SCTR: variants seen among roughly 807,000 people sequenced by gnomAD.
SCTR encodes the protein secretin receptor, also known as pancreatic secretin receptor.
A neutral mutation model predicts 60.8 loss-of-function variants in SCTR; 56 were observed. The observed-to-expected ratio is 0.92, with a 90% CI of 0.74 to 1.15. SCTR has a LOEUF of 1.15. SCTR is among the 50% of genes most tolerant of loss of function. SCTR has a pLI of 0.00. For synonymous variants in SCTR, 202 were observed against 217.0 expected (o/e 0.93, Z 0.61); for missense variants, 562 against 550.4 (o/e 1.02, Z -0.21).
Position 119,452,027 on chromosome 2 carries a change from C to T in SCTR, c.904G>A (p.Val302Met), listed in dbSNP as rs759250151. The change falls in exon 9 of 13, where the codon GTG becomes ATG. Residue 302 changes from valine to methionine, a missense_variant. Val to Met is a conservative substitution (Grantham distance 21). Coordinates refer to ENST00000019103, the MANE Select transcript of SCTR (RefSeq NM_002980.3). ...CCACTCACCAGGATGGAGAGGATCA[C>T]AGGACCACGAATGATCCACCAGATG... ...ASIWWIIRGP[V>M]ILSILINFIL... The T allele has an allele frequency of 5.0e-6, 8 of 1,606,456 alleles. No homozygotes were observed. In the Admixed American group the frequency reaches 1.3e-4, roughly 27 times the overall value.
At chr2:119,440,500 G>A (rs781530674) in intron 12 of SCTR, among the ~76,000 whole-genome samples, 1 of 152,230 alleles carries the variant, frequency 6.6e-6, no homozygotes, top group African/African-American at 2.4e-5. Flanking sequence ...GAAAGGACTT[G>A]TGCACCTTGG....
intron 4 of SCTR, among the ~76,000 whole-genome samples, chr2:119,469,201 T>G (rs1163648567): frequency 6.6e-6 from 1 of 152,146 alleles, no homozygotes; most frequent in East Asian, 1.9e-4. Flanking sequence ...ACCAATATGT[T>G]AACATATAAT....
At chr2:119,445,845 A>G (rs2104758492) in intron 11 of SCTR, among the ~76,000 whole-genome samples, 1 of 152,318 alleles carries the variant, frequency 6.6e-6, no homozygotes, top group South Asian at 2.1e-4. Context: ...TCCCTCCTGT[A>G]TAGAACTTTA....
chr2:119,496,231 T>C (rs1454949707), intron 1 of SCTR, among the ~76,000 whole-genome samples: 1 of 151,982 alleles, frequency 6.6e-6, no homozygotes, highest in African/African-American at 2.4e-5. Context: ...TGTTCAGAGC[T>C]GCTTAGAAAT....
chr2:119,465,942 T>C, intron 4 of SCTR, 56 bp from the exon 5 acceptor site: 1 of 1,236,846 alleles, frequency 8.1e-7, no homozygotes, highest in Non-Finnish European at 1.2e-6. Flanking sequence ...CTCTGCCTTC[T>C]GTGCCTCACT....
At position 119,461,948 on chromosome 2, in the gene SCTR, T is replaced by G. The variant is rs1191632729; in HGVS notation, c.689A>C (p.Tyr230Ser). Residue 230 changes from tyrosine to serine, a missense_variant, in exon 7 of 13, where the codon TAC (tyrosine) becomes TCC (serine). Transcript: ENST00000019103. Reference protein sequence around the residue: ...VLFQYCIMANYSWLLVEGLYL... With the variant: ...VLFQYCIMANSSWLLVEGLYL... Reference sequence around the variant, plus strand: ...GAGGCCTTCCACCAGCAGCCAGGAGTAGTTGGCCATGATGCAGTACTGGAA... The same window carrying G: ...GAGGCCTTCCACCAGCAGCCAGGAGGAGTTGGCCATGATGCAGTACTGGAA... 1.9e-6 allele frequency: 3 copies of G among 1,613,238 alleles called. No homozygotes were observed. The highest frequency in any genetic ancestry group is 1.3e-5 in the African/African-American group (1 of 74,806).
chr2:119,523,270 ATTCC>A, intron 1 of SCTR, among the ~76,000 whole-genome samples: 1 of 150,776 alleles, frequency 6.6e-6, no homozygotes, highest in African/African-American at 2.4e-5. Context: ...CTCCCTCCCC[ATTCC>A]TTCCTTTCTG....
chr2:119,493,232 A>G (rs1217620473), intron 2 of SCTR, among the ~76,000 whole-genome samples: 2 of 152,234 alleles, frequency 1.3e-5, no homozygotes, highest in Non-Finnish European at 2.9e-5. Flanking sequence ...TGTAGAACAT[A>G]TCATCACTTC....
chr2:119,507,746 T>C lies in SCTR; in HGVS notation c.73-13198A>G, dbSNP rs1277827310. ...GCTAGAATGATGCAGTGGCACGATCTTGGCTCACTGCAACCTCTGCCTCCC... is the reference window on the plus strand; with the variant it reads ...GCTAGAATGATGCAGTGGCACGATCCTGGCTCACTGCAACCTCTGCCTCCC... On this transcript the variant is annotated intron_variant, in intron 1 of 12. Coordinates refer to ENST00000019103, the MANE Select transcript of SCTR (RefSeq NM_002980.3). 2.0e-5 allele frequency among the ~76,000 whole-genome samples: 3 copies of C among 146,956 alleles called. No homozygotes were observed. The Admixed American group carries it at 2.1e-4, about 10-fold the overall frequency.
chr2:119,503,746 C>A (rs948279168), intron 1 of SCTR, among the ~76,000 whole-genome samples: 1 of 152,058 alleles, frequency 6.6e-6, no homozygotes, highest in Non-Finnish European at 1.5e-5. Context: ...ATACATTTGT[C>A]AAAACCCATA....
At chr2:119,446,031 G>A (rs1329653010) in intron 11 of SCTR, among the ~76,000 whole-genome samples, 3 of 152,196 alleles carry the variant, frequency 2.0e-5, no homozygotes, top group African/African-American at 7.2e-5. Context: ...TGGGATTCAC[G>A]TTCAGGCTCC....
chr2:119,459,687 T>C (rs1426436525), intron 7 of SCTR, among the ~76,000 whole-genome samples: 2 of 152,138 alleles, frequency 1.3e-5, no homozygotes, highest in Non-Finnish European at 1.5e-5. Context: ...GTACAGTAGA[T>C]GCTCCACAAA....
At position 119,456,526 on chromosome 2, in the gene SCTR, T is replaced by G. The variant is rs73951106; in HGVS notation, c.791-3179A>C. 9.9e-3 allele frequency among the ~76,000 whole-genome samples: 1,502 copies of G among 151,766 alleles called. 23 individuals are homozygous for G. The highest frequency in any genetic ancestry group is 0.034 in the African/African-American group (1,414 of 41,338). On this transcript the variant is annotated intron_variant, in intron 7 of 12. Coordinates refer to ENST00000019103, the MANE Select transcript of SCTR (RefSeq NM_002980.3). ...AGAGAGTGAACCAAAGACAGGGAGA[T>G]GAGAAAGAAAGGAAACAGGATTTGT... is the stretch of plus-strand genomic sequence containing the variant.
chr2:119,504,586 G>C (rs1022504105), intron 1 of SCTR, among the ~76,000 whole-genome samples: 1 of 151,800 alleles, frequency 6.6e-6, no homozygotes, highest in East Asian at 1.9e-4. Flanking sequence ...GTAAGACTCT[G>C]TCTCAAAAAA....
At chr2:119,473,119 C>T (rs1677093739) in intron 4 of SCTR, among the ~76,000 whole-genome samples, 1 of 152,194 alleles carries the variant, frequency 6.6e-6, no homozygotes, top group East Asian at 1.9e-4. Flanking sequence ...AATTCAGACG[C>T]ACCAGCCTTG....
intron 1 of SCTR, among the ~76,000 whole-genome samples, chr2:119,522,701 T>C (rs759227779): frequency 6.6e-6 from 1 of 152,186 alleles, no homozygotes; most frequent in Non-Finnish European, 1.5e-5. Flanking sequence ...TCAGAGTCAC[T>C]GCAAATACTT....
intron 8 of SCTR, among the ~76,000 whole-genome samples, chr2:119,452,811 T>G (rs994009909): frequency 1.3e-5 from 2 of 152,166 alleles, no homozygotes; most frequent in Admixed American, 1.3e-4. Context: ...CAGCTTCTTT[T>G]AAGCTTGCTT....
At chr2:119,504,337 A>G (rs1678658942) in intron 1 of SCTR, among the ~76,000 whole-genome samples, 1 of 152,186 alleles carries the variant, frequency 6.6e-6, no homozygotes. Context: ...GCATGCCTGT[A>G]ATCTCAGCAC....
At chr2:119,517,023 G>A (rs1679136928) in intron 1 of SCTR, among the ~76,000 whole-genome samples, 1 of 150,514 alleles carries the variant, frequency 6.6e-6, no homozygotes, top group Non-Finnish European at 1.5e-5. Context: ...TTTGCCATAA[G>A]AGTAGATTTC....
Sources: gnomAD v4.1 joint callset for allele counts (sites outside exome capture counted in the v4.1 genomes callset) on GRCh38, gnomAD v4.1.1 for gene constraint, MANE v1.5 for transcripts, NCBI Gene and HGNC (gene_info 2026-07-23, HGNC 2026-07-21) for gene names.